Variants in GKAP1 observed in about 807,000 individuals in gnomAD.
GKAP1 encodes G kinase anchoring protein 1.
GKAP1 carries 31 observed loss-of-function variants against 56.7 expected under a neutral mutation model. That is an observed-to-expected ratio of 0.55 (90% CI 0.41 to 0.74). GKAP1 has a LOEUF of 0.74. Among genes scored for constraint, GKAP1 ranks in the 30% least tolerant of loss-of-function variants. GKAP1 has a pLI of 0.00. For missense variants in GKAP1, 364 were observed against 402.3 expected (o/e 0.90, Z 0.82); for synonymous variants, 151 against 138.6 (o/e 1.09, Z -0.63).
chr9:83,805,353 T>C (rs1228633881), intron 3 of GKAP1, among the ~76,000 whole-genome samples: 1 of 151,984 alleles, frequency 6.6e-6, no homozygotes, highest in Admixed American at 6.6e-5. Context: ...GTCCTCTGCC[T>C]AGGAAAACCA....
intron 10 of GKAP1, among the ~76,000 whole-genome samples, chr9:83,744,607 C>CT (rs1331242112): frequency 1.3e-5 from 2 of 152,282 alleles, no homozygotes; most frequent in East Asian, 1.9e-4. Flanking sequence ...AGTTTCCCAT[C>CT]TTTTTTTCAT....
intron 3 of GKAP1, among the ~76,000 whole-genome samples, chr9:83,804,746 C>G (rs1489881945): frequency 6.7e-6 from 1 of 149,506 alleles, no homozygotes; most frequent in African/African-American, 2.5e-5. Context: ...GCCGGGCCAG[C>G]CACCCCGTCC....
intron 10 of GKAP1, among the ~76,000 whole-genome samples, chr9:83,747,292 TATC>T (rs150663605): frequency 1.0e-3 from 157 of 152,354 alleles, no homozygotes; most frequent in Non-Finnish European, 1.7e-3. Context: ...TTACTAATCT[TATC>T]ATCTGCAATC....
chr9:83,762,663 T>C (rs754285230), intron 8 of GKAP1, among the ~76,000 whole-genome samples: 19 of 152,066 alleles, frequency 1.2e-4, no homozygotes, highest in Non-Finnish European at 2.8e-4. Flanking sequence ...TACAGAGCTA[T>C]AGTAACCAAA....
At chr9:83,750,427 ATCAG>A (rs1182707369) in intron 9 of GKAP1, among the ~76,000 whole-genome samples, 3 of 152,140 alleles carry the variant, frequency 2.0e-5, no homozygotes, top group Admixed American at 6.6e-5. Context: ...CATTCCCCAA[ATCAG>A]TCAAAGACGT....
At chr9:83,798,104 G>T (rs1461280965) in intron 4 of GKAP1, among the ~76,000 whole-genome samples, 7 of 152,092 alleles carry the variant, frequency 4.6e-5, no homozygotes, top group Admixed American at 2.6e-4. Context: ...AAATCCTAAA[G>T]AAAATGTTAT....
chr9:83,816,012 A>C (rs1944581634), intron 2 of GKAP1, among the ~76,000 whole-genome samples: 1 of 136,784 alleles, frequency 7.3e-6, no homozygotes, highest in Non-Finnish European at 1.5e-5. Flanking sequence ...AAGGCGAAAC[A>C]CCGTCTGTAT....
chr9:83,808,793 G>T (rs149359727), intron 2 of GKAP1, among the ~76,000 whole-genome samples: 47 of 152,298 alleles, frequency 3.1e-4, no homozygotes, highest in African/African-American at 1.1e-3. Context: ...TCACTTCTCT[G>T]TTGAAGGCAG....
chr9:83,784,031 A>C (rs1300400915), intron 6 of GKAP1, among the ~76,000 whole-genome samples: 1 of 149,812 alleles, frequency 6.7e-6, no homozygotes, highest in African/African-American at 2.4e-5. Context: ...TTGGGAGGCC[A>C]AGGCAGGCAG....
chr9:83,784,811 T>C lies in GKAP1; in HGVS notation c.466A>G (p.Thr156Ala), dbSNP rs770320545. The C allele has an allele frequency of 1.3e-6, 2 of 1,591,212 alleles. No individual in the cohort carries two copies. Among genetic ancestry groups the C allele is most frequent in the Non-Finnish European group, 1.7e-6 (2 of 1,166,946 alleles). ...TTTTTATTCATAACTTTGGACTGAG[T>C]TGAAGTATTTTCAGCATCTTCATAC... Reference protein sequence around the residue: ...KEYEDAENTSTQSKVMNKKDK... With the variant: ...KEYEDAENTSAQSKVMNKKDK... The change falls in exon 6 of 13, where the codon ACT (threonine) becomes GCT (alanine). Residue 156 changes from threonine (T) to alanine (A), a missense_variant. Physicochemically the swap from Thr to Ala is moderately conservative, Grantham distance 58. Coordinates refer to ENST00000376371, the MANE Select transcript of GKAP1 (RefSeq NM_025211.4).
At chr9:83,743,488 G>A (rs1370765618) in intron 10 of GKAP1, among the ~76,000 whole-genome samples, 1 of 151,998 alleles carries the variant, frequency 6.6e-6, no homozygotes, top group African/African-American at 2.4e-5. Flanking sequence ...CCAGCTACTC[G>A]GGAGGCTGAG....
intron 12 of GKAP1, among the ~76,000 whole-genome samples, chr9:83,740,653 T>C (rs1031876920): frequency 6.6e-6 from 1 of 152,184 alleles, no homozygotes; most frequent in Non-Finnish European, 1.5e-5. Flanking sequence ...CTAGGCTTTG[T>C]CCCACACCTA....
intron 12 of GKAP1, among the ~76,000 whole-genome samples, chr9:83,740,402 T>A (rs1321705630): frequency 6.6e-6 from 1 of 152,188 alleles, no homozygotes; most frequent in East Asian, 1.9e-4. Context: ...TCTGTTTTAT[T>A]CTGATTTAAA....
At chr9:83,805,614 A>G (rs2131322377) in intron 3 of GKAP1, among the ~76,000 whole-genome samples, 1 of 152,306 alleles carries the variant, frequency 6.6e-6, no homozygotes, top group African/African-American at 2.4e-5. Context: ...TCTATTATAT[A>G]ACCCCATTTT....
In GKAP1 at chr9:83,770,171, T is replaced by A. The variant is rs1024207032; in HGVS notation, c.586-1201A>T. ...GCTTGTCTTGGCATATTCTTGATGG[T>A]ATTCTTTGTATCACAGAAGTTTTTA... is the stretch of plus-strand genomic sequence containing the variant. On this transcript the variant is annotated intron_variant, in intron 7 of 12. Coordinates refer to ENST00000376371, the MANE Select transcript of GKAP1 (RefSeq NM_025211.4). Among the ~76,000 whole-genome samples, 7 of 152,200 alleles carry A rather than the reference T, an allele frequency of 4.6e-5. No individual in the cohort carries two copies. In the East Asian group the frequency reaches 1.3e-3, roughly 29 times the overall value.
At chr9:83,802,005 T>C (rs1343389492) in intron 3 of GKAP1, among the ~76,000 whole-genome samples, 1 of 152,236 alleles carries the variant, frequency 6.6e-6, no homozygotes, top group Non-Finnish European at 1.5e-5. Context: ...CACTATTCTT[T>C]CATTAAATAA....
intron 2 of GKAP1, among the ~76,000 whole-genome samples, chr9:83,811,447 T>C (rs1043486763): frequency 1.3e-5 from 2 of 152,284 alleles, no homozygotes; most frequent in South Asian, 2.1e-4. Flanking sequence ...ACAATAGATA[T>C]TAAACGTTTC....
intron 9 of GKAP1, among the ~76,000 whole-genome samples, chr9:83,749,558 ATACAT>A (rs1269127334): frequency 6.6e-6 from 1 of 152,214 alleles, no homozygotes; most frequent in African/African-American, 2.4e-5. Context: ...TAATACATTA[ATACAT>A]TAGAGAAAAC....
chr9:83,770,604 C>T (rs962196641), intron 7 of GKAP1, among the ~76,000 whole-genome samples: 4 of 151,694 alleles, frequency 2.6e-5, no homozygotes, highest in South Asian at 2.1e-4. Flanking sequence ...GTTGCCCAGG[C>T]GGAGTGCAAT....
Sources: gnomAD v4.1 joint callset for allele counts (sites outside exome capture counted in the v4.1 genomes callset) on GRCh38, gnomAD v4.1.1 for gene constraint, MANE v1.5 for transcripts, NCBI Gene and HGNC (gene_info 2026-07-23, HGNC 2026-07-21) for gene names.